Variants in MACROD2 observed in about 807,000 individuals in gnomAD.
MACROD2 encodes the protein mono-ADP ribosylhydrolase 2, also known as ADP-ribose glycohydrolase MACROD2.
MACROD2 carries 36 observed loss-of-function variants against 70.4 expected under a neutral mutation model. That is an observed-to-expected ratio of 0.51 (90% confidence interval 0.39 to 0.68). MACROD2 has a LOEUF of 0.68. MACROD2 is among the 30% of genes least tolerant of loss of function. The pLI is 0.00. For synonymous variants in MACROD2, 172 were observed against 178.8 expected, an observed-to-expected ratio of 0.96 and a Z score of 0.30; for missense variants, 496 against 538.4, an observed-to-expected ratio of 0.92 and a Z score of 0.78.
chr20:15,903,007 T>A lies in MACROD2; in HGVS notation c.775+17196T>A, dbSNP rs80220347. On this transcript the variant is annotated intron_variant, in intron 10 of 17. Coordinates refer to ENST00000684519, the MANE Select transcript of MACROD2 (RefSeq NM_001351661.2). Reference sequence around the variant, plus strand: ...TAGATCTCTCTGATTATTAAGTTTCTATTTGAGAAGAAACCTGAAAAGCAT... The same window carrying A: ...TAGATCTCTCTGATTATTAAGTTTCAATTTGAGAAGAAACCTGAAAAGCAT... Among the ~76,000 whole-genome samples, 202 of 152,232 alleles carry A rather than the reference T, an allele frequency of 1.3e-3. 1 individual carries two copies. The highest frequency in any genetic ancestry group is 6.8e-3 in the Middle Eastern group (2 of 294).
intron 4 of MACROD2, among the ~76,000 whole-genome samples, chr20:14,529,559 T>A (rs995826115): frequency 3.3e-5 from 5 of 152,338 alleles, no homozygotes; most frequent in Admixed American, 3.3e-4. Flanking sequence ...AAACTTTCTG[T>A]TCTGTCCCAT....
At chr20:14,825,892 C>T (rs2072896851) in intron 5 of MACROD2, among the ~76,000 whole-genome samples, 1 of 152,106 alleles carries the variant, frequency 6.6e-6, no homozygotes, top group Non-Finnish European at 1.5e-5. Context: ...CACAAAAGAT[C>T]GCCCTCCCAT....
chr20:14,674,666 G>T (rs949041049), intron 4 of MACROD2, among the ~76,000 whole-genome samples: 6 of 152,156 alleles, frequency 3.9e-5, no homozygotes, highest in African/African-American at 7.2e-5. Context: ...TAGCACACCA[G>T]TGGGCACACA....
chr20:15,943,657 A>ACCT (rs1361380601), intron 12 of MACROD2, among the ~76,000 whole-genome samples: 1 of 152,110 alleles, frequency 6.6e-6, no homozygotes, highest in African/African-American at 2.4e-5. Flanking sequence ...CAAAAGGGTC[A>ACCT]CCTGAGACTC....
Position 14,400,190 on chromosome 20 carries a change from T to C in MACROD2, c.272-93289T>C, listed in dbSNP as rs190476003. On this transcript the variant is annotated intron_variant, in intron 3 of 17. Coordinates refer to ENST00000684519, the MANE Select transcript of MACROD2 (RefSeq NM_001351661.2). ...ATCCCTATCAATATCTTAACTTTTA[T>C]TCTAGGATTCATTGGAGTTACTGGA... Among the ~76,000 whole-genome samples, 137 of 152,296 alleles carry C rather than the reference T, an allele frequency of 9.0e-4. 1 individual carries two copies. The highest frequency in any genetic ancestry group is 3.0e-3 in the African/African-American group (123 of 41,550).
At chr20:14,446,501 C>A (rs1035334272) in intron 3 of MACROD2, among the ~76,000 whole-genome samples, 1 of 152,044 alleles carries the variant, frequency 6.6e-6, no homozygotes, top group African/African-American at 2.4e-5. Context: ...TCTTGAGGAG[C>A]CAGGATGAAC....
In MACROD2 at chr20:14,817,057, G is replaced by A. The variant is rs182586840; in HGVS notation, c.418+132098G>A. Among the ~76,000 whole-genome samples, 4 of 152,136 alleles carry A rather than the reference G, an allele frequency of 2.6e-5. No individual in the cohort carries two copies. In the East Asian group the frequency reaches 7.7e-4, roughly 29 times the overall value. Reference sequence around the variant, plus strand: ...CAATATGATTTTCAAAATGTTATTCGAAGACAACTTGGCTGTTCATAAATC... The same window carrying A: ...CAATATGATTTTCAAAATGTTATTCAAAGACAACTTGGCTGTTCATAAATC... On this transcript the variant is annotated intron_variant, in intron 5 of 17. Coordinates refer to ENST00000684519, the MANE Select transcript of MACROD2 (RefSeq NM_001351661.2).
chr20:15,492,903 A>G (rs1030443793), intron 7 of MACROD2, among the ~76,000 whole-genome samples: 6 of 152,158 alleles, frequency 3.9e-5, no homozygotes, highest in Admixed American at 3.9e-4. Context: ...TACAGTACCA[A>G]TTTAGAGCTT....
chr20:15,265,684 T>C (rs2077288159), intron 6 of MACROD2, among the ~76,000 whole-genome samples: 1 of 152,238 alleles, frequency 6.6e-6, no homozygotes, highest in African/African-American at 2.4e-5. Flanking sequence ...TTCTTTTTTC[T>C]TATTTTCACA....
intron 8 of MACROD2, among the ~76,000 whole-genome samples, chr20:15,759,798 T>G (rs1001611969): frequency 4.6e-5 from 7 of 152,204 alleles, no homozygotes; most frequent in African/African-American, 1.7e-4. Flanking sequence ...GTTTTTAAAC[T>G]AGTCACACCC....
chr20:14,502,532 T>C (rs1239166747), intron 4 of MACROD2, among the ~76,000 whole-genome samples: 1 of 152,200 alleles, frequency 6.6e-6, no homozygotes, highest in Non-Finnish European at 1.5e-5. Flanking sequence ...ATGGTTATAA[T>C]GGTACCTAAC....
At chr20:15,354,244 G>A (rs559986496) in intron 6 of MACROD2, among the ~76,000 whole-genome samples, 1 of 151,876 alleles carries the variant, frequency 6.6e-6, no homozygotes, top group African/African-American at 2.4e-5. Context: ...GCAAACTATC[G>A]CAAGGACAAA....
chr20:14,980,829 C>G (rs964062797), intron 5 of MACROD2, among the ~76,000 whole-genome samples: 3 of 152,140 alleles, frequency 2.0e-5, no homozygotes, highest in Non-Finnish European at 4.4e-5. Context: ...AGGTCTTCAG[C>G]AAATCATGTC....
intron 4 of MACROD2, among the ~76,000 whole-genome samples, chr20:14,543,838 C>T (rs991445028): frequency 6.6e-6 from 1 of 152,170 alleles, no homozygotes. Context: ...TTTCATTTCT[C>T]CTCGTTTTCT....
At chr20:14,558,527 G>GA (rs565600521) in intron 4 of MACROD2, among the ~76,000 whole-genome samples, 2 of 151,478 alleles carry the variant, frequency 1.3e-5, no homozygotes, top group African/African-American at 4.8e-5. Flanking sequence ...ATGAATTTAA[G>GA]AAAAAAATTG....
At chr20:15,205,182 A>G (rs1225199712) in intron 5 of MACROD2, among the ~76,000 whole-genome samples, 1 of 152,156 alleles carries the variant, frequency 6.6e-6, no homozygotes, top group Non-Finnish European at 1.5e-5. Flanking sequence ...AGATCACCAG[A>G]TGGTATGTGG....
At chr20:14,493,626 C>T (rs997712577) in intron 4 of MACROD2, 118 bp downstream of exon 4, 13 of 756,264 alleles carry the variant, frequency 1.7e-5, no homozygotes, top group East Asian at 2.7e-5. Context: ...TCATCAATTA[C>T]AAAAATGTTA....
intron 3 of MACROD2, among the ~76,000 whole-genome samples, chr20:14,405,754 T>C (rs1271788356): frequency 6.6e-6 from 1 of 152,206 alleles, no homozygotes; most frequent in Admixed American, 6.5e-5. Context: ...TCAGATCTTG[T>C]ATTTCTATCA....
chr20:14,563,949 T>C (rs112765231), intron 4 of MACROD2, among the ~76,000 whole-genome samples: 3,577 of 152,004 alleles, frequency 0.024, 60 homozygotes, highest in Admixed American at 0.037. Flanking sequence ...CTTCTAACTA[T>C]ACTACAAGGT....
Sources: gnomAD v4.1 joint callset for allele counts (sites outside exome capture counted in the v4.1 genomes callset) on GRCh38, gnomAD v4.1.1 for gene constraint, MANE v1.5 for transcripts, NCBI Gene and HGNC (gene_info 2026-07-23, HGNC 2026-07-21) for gene names.